ADAMTSL3: variants seen among roughly 807,000 people sequenced by gnomAD.
ADAMTSL3 encodes the protein ADAMTS-like protein 3.
Under a neutral mutation model 201.7 loss-of-function variants are expected in ADAMTSL3, and 128 were observed. The observed-to-expected ratio is 0.63, with a 90% confidence interval of 0.55 to 0.73. The LOEUF (loss-of-function observed/expected upper bound fraction) is 0.73. ADAMTSL3 is among the 30% of genes least tolerant of loss of function. The pLI is 0.00. For synonymous variants in ADAMTSL3, 738 were observed against 748.4 expected (o/e 0.99, Z 0.23); for missense variants, 1,990 against 2,119.6 (o/e 0.94, Z 1.20).
intron 28 of ADAMTSL3, among the ~76,000 whole-genome samples, chr15:84,032,105 A>G (rs542219242): frequency 1.3e-5 from 2 of 152,198 alleles, no homozygotes; most frequent in Non-Finnish European, 2.9e-5. Flanking sequence ...GAGTTCTATT[A>G]TATCACTCAC....
chr15:83,965,521 C>T (rs1444406805), intron 19 of ADAMTSL3, among the ~76,000 whole-genome samples: 1 of 152,130 alleles, frequency 6.6e-6, no homozygotes, highest in Non-Finnish European at 1.5e-5. Context: ...CAGGAGCACC[C>T]AGATTCATAA....
In ADAMTSL3 at chr15:83,709,946, G is replaced by A. The variant is rs544358283; in HGVS notation, c.189+5438G>A. Among the ~76,000 whole-genome samples, 6 of 152,130 alleles carry A rather than the reference G, an allele frequency of 3.9e-5. No individual in the cohort carries two copies. In the South Asian group the frequency reaches 1.2e-3, roughly 32 times the overall value. On this transcript the variant is annotated intron_variant, in intron 3 of 29. Coordinates refer to ENST00000286744, the MANE Select transcript of ADAMTSL3 (RefSeq NM_207517.3). Reference sequence around the variant, plus strand: ...TTGGGCCTCATGCACACTTTCCTATGTTTTATGAATTCTTTATGTGTGTAC... The same window carrying A: ...TTGGGCCTCATGCACACTTTCCTATATTTTATGAATTCTTTATGTGTGTAC...
intron 3 of ADAMTSL3, among the ~76,000 whole-genome samples, chr15:83,750,033 A>G (rs1460735147): frequency 6.6e-6 from 1 of 152,248 alleles, no homozygotes; most frequent in African/African-American, 2.4e-5. Flanking sequence ...GTGTGAAACC[A>G]GACTTCTGGA....
At chr15:83,831,459 A>G (rs1035883536) in intron 6 of ADAMTSL3, among the ~76,000 whole-genome samples, 1 of 152,222 alleles carries the variant, frequency 6.6e-6, no homozygotes, top group Non-Finnish European at 1.5e-5. Context: ...CTTCAAGATC[A>G]GAGATACTTG....
At chr15:83,710,305 AT>A (rs1282407560) in intron 3 of ADAMTSL3, among the ~76,000 whole-genome samples, 2 of 151,952 alleles carry the variant, frequency 1.3e-5, no homozygotes, top group African/African-American at 4.8e-5. Context: ...AGGATTTGAG[AT>A]TTTTTTCCAG....
intron 5 of ADAMTSL3, 101 bp downstream of exon 5, chr15:83,804,796 C>A: frequency 1.2e-6 from 1 of 844,316 alleles, no homozygotes; most frequent in Non-Finnish European, 1.7e-6. Flanking sequence ...TCTTAATACC[C>A]TTTGTGGAAA....
chr15:83,894,874 A>G (rs1295174813), intron 13 of ADAMTSL3, among the ~76,000 whole-genome samples: 2 of 152,278 alleles, frequency 1.3e-5, no homozygotes, highest in East Asian at 3.9e-4. Context: ...TAAAAATTAC[A>G]TTTTCATTTG....
At chr15:83,657,496 C>T (rs767248478) in intron 2 of ADAMTSL3, among the ~76,000 whole-genome samples, 9 of 152,194 alleles carry the variant, frequency 5.9e-5, no homozygotes, top group East Asian at 1.9e-4. Context: ...GTCACGCAAA[C>T]GTCTCTGCAT....
At chr15:83,679,823 A>G (rs1465490301) in intron 2 of ADAMTSL3, among the ~76,000 whole-genome samples, 5 of 152,190 alleles carry the variant, frequency 3.3e-5, no homozygotes, top group Admixed American at 3.3e-4. Context: ...GTGGAAGTCC[A>G]GGCTTCTCAC....
chr15:83,969,819 T>C (rs1474002687), intron 19 of ADAMTSL3, among the ~76,000 whole-genome samples: 1 of 152,212 alleles, frequency 6.6e-6, no homozygotes, highest in Non-Finnish European at 1.5e-5. Context: ...ATAGTGCCTA[T>C]AGGCACAGTT....
chr15:83,706,322 G>A (rs2061850772), intron 3 of ADAMTSL3, among the ~76,000 whole-genome samples: 1 of 152,162 alleles, frequency 6.6e-6, no homozygotes, highest in Non-Finnish European at 1.5e-5. Context: ...AGCCCCTTCA[G>A]TCTTTTCAAA....
intron 23 of ADAMTSL3, among the ~76,000 whole-genome samples, chr15:84,001,113 CT>C (rs2067784790): frequency 6.6e-6 from 1 of 152,202 alleles, no homozygotes; most frequent in Non-Finnish European, 1.5e-5. Context: ...CCCAAAAAGC[CT>C]GCCAGTCACT....
At chr15:83,770,189 A>G (rs2062957418) in intron 3 of ADAMTSL3, among the ~76,000 whole-genome samples, 1 of 152,184 alleles carries the variant, frequency 6.6e-6, no homozygotes, top group Non-Finnish European at 1.5e-5. Context: ...ATGAAAAATG[A>G]TATGGATTTA....
intron 19 of ADAMTSL3, among the ~76,000 whole-genome samples, chr15:83,955,298 C>G (rs535076122): frequency 2.0e-5 from 3 of 152,294 alleles, no homozygotes; most frequent in African/African-American, 7.2e-5. Context: ...TGGCCATCAT[C>G]ATCAGCAGTC....
intron 6 of ADAMTSL3, among the ~76,000 whole-genome samples, chr15:83,827,957 C>G (rs1362135894): frequency 6.6e-6 from 1 of 152,162 alleles, no homozygotes; most frequent in Non-Finnish European, 1.5e-5. Flanking sequence ...AACGTGATGC[C>G]TCCAGCTTTG....
intron 2 of ADAMTSL3, among the ~76,000 whole-genome samples, chr15:83,695,659 A>G (rs1225420269): frequency 6.6e-6 from 1 of 152,186 alleles, no homozygotes; most frequent in East Asian, 1.9e-4. Flanking sequence ...AATTGATGGT[A>G]AATAGAGAAA....
chr15:83,704,016 A>AAAAAC (rs1278392228), intron 2 of ADAMTSL3, among the ~76,000 whole-genome samples: 8 of 151,342 alleles, frequency 5.3e-5, no homozygotes, highest in African/African-American at 1.9e-4. Context: ...AAAAAAAAAA[A>AAAAAC]AACACAAAAG....
At chr15:84,017,639 A>G (rs2068111593) in intron 25 of ADAMTSL3, among the ~76,000 whole-genome samples, 1 of 152,240 alleles carries the variant, frequency 6.6e-6, no homozygotes, top group South Asian at 2.1e-4. Context: ...TTGAGCTGCC[A>G]ATCAGCAATC....
intron 5 of ADAMTSL3, 151 bp downstream of exon 5, chr15:83,804,846 C>T: frequency 1.9e-6 from 1 of 527,488 alleles, no homozygotes; most frequent in Non-Finnish European, 3.2e-6. Context: ...TTTTGTATAT[C>T]AAATATCTTC....
Sources: allele counts gnomAD v4.1 joint callset (sites outside exome capture counted in the v4.1 genomes callset), GRCh38; gene constraint gnomAD v4.1.1; transcripts MANE v1.5; gene names NCBI Gene and HGNC (gene_info 2026-07-23, HGNC 2026-07-21).